CELF2: variants seen among roughly 807,000 people sequenced by gnomAD.
CELF2 encodes CUGBP Elav-like family member 2.
In CELF2, 8 loss-of-function variants were observed where a neutral mutation model predicts 62.6. The ratio of observed to expected loss-of-function variants is 0.13; its 90% CI spans 0.07 to 0.23. The LOEUF is 0.23. CELF2 is among the 10% of genes least tolerant of loss of function. The pLI is 1.00. For synonymous variants in CELF2, 258 were observed against 250.0 expected (o/e 1.03, Z -0.30); for missense variants, 333 against 671.0 (o/e 0.50, Z 5.56).
chr10:11,253,212 G>A (rs138457335), intron 4 of CELF2, among the ~76,000 whole-genome samples: 9 of 152,294 alleles, frequency 5.9e-5, no homozygotes, highest in Non-Finnish European at 8.8e-5. Context: ...TATACAGAGC[G>A]TAAATCCATC....
chr10:10,997,904 G>A lies in CELF2; in HGVS notation c.89+77905G>A, dbSNP rs556111661. On this transcript the variant is annotated intron_variant, in intron 2 of 13. Transcript: ENST00000636488. The surrounding 1 kb of genome is among the most constrained non-coding windows in gnomAD (Gnocchi z 5.3). ...CCCCACCCAAATCTCACCTTGAATT[G>A]TAATAATCCCCACGTGTCATGGGAG... Among the ~76,000 whole-genome samples the A allele has an allele frequency of 3.0e-4, 45 of 152,220 alleles. No individual in the cohort carries two copies. Among genetic ancestry groups the A allele is most frequent in the Non-Finnish European group, 5.0e-4 (34 of 68,008 alleles).
intron 1 of CELF2, among the ~76,000 whole-genome samples, chr10:10,847,705 TG>T (rs2059108154): frequency 6.6e-6 from 1 of 152,226 alleles, no homozygotes; most frequent in Non-Finnish European, 1.5e-5. Context: ...TTTAAAGCAG[TG>T]GCTCTCAGCT....
chr10:10,614,849 T>G, the CELF2 span, among the ~76,000 whole-genome samples: 1 of 152,124 alleles, frequency 6.6e-6, no homozygotes, highest in Non-Finnish European at 1.5e-5. Context: ...ATGAAGAATC[T>G]GTTCTTCAGG....
Position 10,813,297 on chromosome 10 carries a change from A to G in CELF2, c.53+14480A>G, listed in dbSNP as rs148848837. Among the ~76,000 whole-genome samples the G allele has an allele frequency of 7.9e-5, 12 of 152,336 alleles. No individual in the cohort carries two copies. In the East Asian group the frequency reaches 1.7e-3, roughly 22 times the overall value. Reference sequence around the variant, plus strand: ...TGGTCCTGCAGGGCTGAAGATTGCAATCCATCCAGGGTGCAGGTGTTTCTG... The same window carrying G: ...TGGTCCTGCAGGGCTGAAGATTGCAGTCCATCCAGGGTGCAGGTGTTTCTG... On this transcript the variant is annotated intron_variant, in intron 1 of 13. Coordinates refer to the CELF2 transcript ENST00000636488.
intron 3 of CELF2, among the ~76,000 whole-genome samples, chr10:11,225,111 G>A (rs1359828853): frequency 6.6e-6 from 1 of 151,496 alleles, no homozygotes; most frequent in African/African-American, 2.5e-5. Flanking sequence ...GTTGAAGTTG[G>A]TTTGATAATG....
At chr10:10,628,839 T>A in the CELF2 span, among the ~76,000 whole-genome samples, 2 of 151,990 alleles carry the variant, frequency 1.3e-5, no homozygotes, top group African/African-American at 4.8e-5. Context: ...ATTTAAAAAT[T>A]TAAAAAAATA....
chr10:11,149,674 G>GT (rs2062955589), intron 1 of CELF2, among the ~76,000 whole-genome samples: 1 of 152,102 alleles, frequency 6.6e-6, no homozygotes, highest in Non-Finnish European at 1.5e-5. Flanking sequence ...GGCTTCTCAT[G>GT]TTCCTGTGTG....
At position 10,808,702 on chromosome 10, in the gene CELF2, C is replaced by T. The variant is rs1028724900; in HGVS notation, c.53+9885C>T. Among the ~76,000 whole-genome samples, 3 of 152,104 alleles carry T rather than the reference C, an allele frequency of 2.0e-5. No individual in the cohort carries two copies. The East Asian group carries it at 5.8e-4, about 29-fold the overall frequency. ...TTTTAAAGTGAGAAGACATGGTTCT[C>T]TTAACTAATCAGAGACACGGTAAAG... On this transcript the variant is annotated intron_variant, in intron 1 of 13. Coordinates refer to the CELF2 transcript ENST00000636488.
chr10:10,927,855 G>T (rs1413666039), intron 2 of CELF2, among the ~76,000 whole-genome samples: 1 of 151,914 alleles, frequency 6.6e-6, no homozygotes, highest in Non-Finnish European at 1.5e-5. Flanking sequence ...CATTCTCTAG[G>T]TAGAAGTCCA....
intron 9 of CELF2, among the ~76,000 whole-genome samples, chr10:11,299,848 TA>T (rs2093554939): frequency 6.6e-6 from 1 of 152,068 alleles, no homozygotes; most frequent in Admixed American, 6.5e-5. Flanking sequence ...GGGCCATCTG[TA>T]AAAACAAACA....
intron 2 of CELF2, among the ~76,000 whole-genome samples, chr10:10,962,714 G>A (rs1043766950): frequency 6.6e-6 from 1 of 152,136 alleles, no homozygotes; most frequent in Non-Finnish European, 1.5e-5. Flanking sequence ...GTTAGAGCAA[G>A]ACACTGTCTC....
At chr10:10,768,991 T>C in the CELF2 span, among the ~76,000 whole-genome samples, 8 of 152,216 alleles carry the variant, frequency 5.3e-5, no homozygotes, top group African/African-American at 1.9e-4. Flanking sequence ...ATATATTACC[T>C]ACTAAAAACA....
chr10:10,841,273 C>G (rs527862000), intron 1 of CELF2, among the ~76,000 whole-genome samples: 1 of 151,536 alleles, frequency 6.6e-6, no homozygotes, highest in African/African-American at 2.4e-5. Flanking sequence ...TTTCTCAAAG[C>G]TGAGTTTTTA....
At chr10:11,320,171 A>G (rs2095348875) in intron 10 of CELF2, among the ~76,000 whole-genome samples, 1 of 152,206 alleles carries the variant, frequency 6.6e-6, no homozygotes, top group East Asian at 1.9e-4. Flanking sequence ...TTGATATGAA[A>G]GTTAGCACTC....
chr10:10,515,043 A>C, the CELF2 span, among the ~76,000 whole-genome samples: 50 of 152,362 alleles, frequency 3.3e-4, 2 homozygotes, highest in South Asian at 8.9e-3. Flanking sequence ...AAGGACTGAA[A>C]TGTTTTGCCT....
chr10:11,158,795 A>G (rs938686971), intron 1 of CELF2, among the ~76,000 whole-genome samples: 1 of 152,202 alleles, frequency 6.6e-6, no homozygotes, highest in African/African-American at 2.4e-5. Context: ...CCCCAACCGA[A>G]CACAGTTCAG....
chr10:10,899,574 A>G (rs2062793091), intron 1 of CELF2, among the ~76,000 whole-genome samples: 1 of 152,226 alleles, frequency 6.6e-6, no homozygotes, highest in Non-Finnish European at 1.5e-5. Flanking sequence ...TTAAAAATGT[A>G]AAAACATTCT....
At chr10:11,045,599 T>A (rs1418038092) in intron 1 of CELF2, among the ~76,000 whole-genome samples, 1 of 152,216 alleles carries the variant, frequency 6.6e-6, no homozygotes, top group Non-Finnish European at 1.5e-5. Flanking sequence ...TTAAAACATT[T>A]GAACACCATG....
the CELF2 span, among the ~76,000 whole-genome samples, chr10:10,468,218 C>G: frequency 6.6e-6 from 1 of 151,986 alleles, no homozygotes; most frequent in African/African-American, 2.4e-5. Flanking sequence ...TCTAAACACT[C>G]TTATACAATA....
Sources: allele counts gnomAD v4.1 joint callset (sites outside exome capture counted in the v4.1 genomes callset), GRCh38; gene constraint gnomAD v4.1.1; non-coding constraint Gnocchi (gnomAD v3.1); transcripts MANE v1.5; gene names NCBI Gene and HGNC (gene_info 2026-07-23, HGNC 2026-07-21).